The following LTK variants were observed in gnomAD, a reference collection of about 807,000 sequenced individuals.
LTK encodes leukocyte tyrosine kinase receptor.
In LTK, 117 loss-of-function variants were observed where a neutral mutation model predicts 101.5. That is an observed-to-expected ratio of 1.15 (90% confidence interval 0.99 to 1.34). LTK has a LOEUF of 1.34. Among genes scored for constraint, LTK ranks in the 40% most tolerant of loss-of-function variants. LTK has a pLI of 0.00. For missense variants in LTK, 1,252 were observed against 1,164.7 expected (o/e 1.07, Z -1.09); for synonymous variants, 563 against 494.2 (o/e 1.14, Z -1.85).
Position 41,507,289 on chromosome 15 carries a change from C to CA in LTK, c.1346dup (p.Lys450GlufsTer17), listed in dbSNP as rs755624682. ...GCAGGCCCTGCCACTTCTTCTGCTT[C>CA]ACTGGGGGTGGGAAGAATAACGGCA... On this transcript the variant is annotated frameshift_variant and splice_region_variant, in exon 11 of 20. Coordinates refer to ENST00000263800, the MANE Select transcript of LTK (RefSeq NM_002344.6). LOFTEE classifies it high-confidence loss of function. The CA allele has an allele frequency of 5.0e-6, 8 of 1,593,766 alleles. No individual in the cohort carries two copies. In the Admixed American group the frequency reaches 1.4e-4, roughly 29 times the overall value.
At chr15:41,508,911 A>G (rs1595464810) in intron 8 of LTK, 120 bp downstream of exon 8, 1 of 652,758 alleles carries the variant, frequency 1.5e-6, no homozygotes, top group East Asian at 2.8e-5. Context: ...GCTATGCAAG[A>G]ATCCTGTGCT....
chr15:41,508,473 CTTGAACCCGG>C (rs1195001895), intron 8 of LTK, among the ~76,000 whole-genome samples: 1 of 152,008 alleles, frequency 6.6e-6, no homozygotes, highest in Non-Finnish European at 1.5e-5. Context: ...TGCAGAATCA[CTTGAACCCGG>C]GAGGCGGAGG....
rs1320979291 is a variant in LTK, at chr15:41,512,811, T to C, written c.255A>G (p.Gln85=). 41 of 1,612,452 alleles carry C rather than the reference T, an allele frequency of 2.5e-5. No homozygotes were observed. The highest frequency in any genetic ancestry group is 3.2e-5 in the Non-Finnish European group (38 of 1,179,834). The change falls in exon 3 of 20, where the codon CAA becomes CAG. Residue 85 remains glutamine, a synonymous_variant. Coordinates refer to ENST00000263800, the MANE Select transcript of LTK (RefSeq NM_002344.6). ...ASGRHGPTQT[Q]CDGAYAGTSV... The stretch of plus-strand genomic sequence containing the variant: ...TGGTCCCCGCGTACGCCCCGTCACA[T>C]TGTGTCTGTGTGGGCCCATGCCGGC...
In LTK at chr15:41,504,531, G is replaced by T. The variant is rs1198826433; in HGVS notation, c.2230C>A (p.Pro744Thr). The stretch of plus-strand genomic sequence containing the variant: ...ACAGGCCCTGGGCAGCCCCTAGGAG[G>T]GTCCATCCGGCCTCCTCCAACGACG... Reference protein sequence around the residue: ...DFVVGGGRMDPPRGCPGPVYR... With the variant: ...DFVVGGGRMDTPRGCPGPVYR... Residue 744 changes from proline to threonine, a missense_variant, in exon 18 of 20, where the codon CCT becomes ACT. Physicochemically the swap from Pro to Thr is conservative, Grantham distance 38 (BLOSUM62 -1). Coordinates refer to ENST00000263800, the MANE Select transcript of LTK (RefSeq NM_002344.6). 6.2e-7 allele frequency: 1 copy of T among 1,613,704 alleles called. No homozygotes were observed. Among genetic ancestry groups the T allele is most frequent in the Non-Finnish European group, 8.5e-7 (1 of 1,179,916 alleles).
Position 41,511,277 on chromosome 15 carries a change from TCCG to T in LTK, c.881_883del (p.Ala294del). ...AGCCTCGGAGCAGCCCTGGCCGCCC[TCCG>T]CCCCCTCCTGCAGTGAGCGGCCGGC... On this transcript the variant is annotated inframe_deletion, in exon 7 of 20. Coordinates refer to ENST00000263800, the MANE Select transcript of LTK (RefSeq NM_002344.6). This position sits in a 1 kb window ranked among gnomAD's most constrained non-coding sequence, Gnocchi z 5.9. The T allele has an allele frequency of 7.1e-7, 1 of 1,417,010 alleles. No homozygotes were observed. The highest frequency in any genetic ancestry group is 9.2e-7 in the Non-Finnish European group (1 of 1,090,676). 87.8% of individuals were successfully genotyped at this position (1,417,010 alleles called of 1,614,324 possible).
chr15:41,504,317 A>ATGTT (rs1566861345), intron 19 of LTK, 25 bp downstream of exon 19: 2 of 1,613,610 alleles, frequency 1.2e-6, no homozygotes, highest in African/African-American at 1.3e-5. Flanking sequence ...CAAGACCAGG[A>ATGTT]TGTTAGATTA....
rs1042768688 is a variant in LTK, at chr15:41,513,143, G to A, written c.44-23C>T. 19 of 1,570,490 alleles carry A rather than the reference G, an allele frequency of 1.2e-5. 1 individual carries two copies. Among genetic ancestry groups the A allele is most frequent in the Middle Eastern group, 3.3e-4 (2 of 5,978 alleles). Reference sequence around the variant, plus strand: ...CGCCTGAAAGGTGTTGGGAGAAGGCGCAGGACGTTAAGGCGGGTGGAAATA... The same window carrying A: ...CGCCTGAAAGGTGTTGGGAGAAGGCACAGGACGTTAAGGCGGGTGGAAATA... On this transcript the variant is annotated intron_variant, in intron 1 of 19. Transcript: ENST00000263800.
intron 10 of LTK, 114 bp downstream of exon 10, chr15:41,507,448 G>C (rs548186466): frequency 3.9e-6 from 6 of 1,548,288 alleles, no homozygotes; most frequent in Middle Eastern, 1.7e-4. Flanking sequence ...AGTCTACCAC[G>C]GCTCTGCTGC....
chr15:41,507,963 A>G, intron 9 of LTK, 106 bp downstream of exon 9: 1 of 1,248,480 alleles, frequency 8.0e-7, no homozygotes, highest in Non-Finnish European at 1.1e-6. Flanking sequence ...CACCCACCAC[A>G]GGGCCTGGCA....
chr15:41,505,098 T>C (rs2278659), intron 15 of LTK, 34 bp from the exon 16 acceptor site: 167,040 of 1,589,708 alleles, frequency 0.11, 18,577 homozygotes, highest in East Asian at 0.6. Context: ...ACTGCCAGAA[T>C]CTAGAAGTTC....
In LTK at chr15:41,512,697, G is replaced by A. The variant is rs1216652476; in HGVS notation, c.359+10C>T. 4 of 1,559,450 alleles carry A rather than the reference G, an allele frequency of 2.6e-6. No homozygotes were observed. The highest frequency in any genetic ancestry group is 2.6e-6 in the Non-Finnish European group (3 of 1,155,934). On this transcript the variant is annotated intron_variant, in intron 3 of 19. Coordinates refer to ENST00000263800, the MANE Select transcript of LTK (RefSeq NM_002344.6). ...GGTCACTGTCCACCCTACCTCCGCC[G>A]TGCACTTACAGATACTGGCCAGGGC... is the stretch of plus-strand genomic sequence containing the variant.
In LTK at chr15:41,512,280, C is replaced by A. The variant is rs1478549309; in HGVS notation, c.360-15G>T. 2.5e-6 allele frequency: 4 copies of A among 1,606,546 alleles called. No individual in the cohort carries two copies. The Admixed American group carries it at 5.0e-5, about 20-fold the overall frequency. On this transcript the variant is annotated splice_polypyrimidine_tract_variant and intron_variant, in intron 3 of 19. Transcript: ENST00000263800. ...AGGCTGAGATCCTGCGGGGAACGGACGGTGAGTCCCCGGCCTTCGGTGCTC... is the reference window on the plus strand; with the variant it reads ...AGGCTGAGATCCTGCGGGGAACGGAAGGTGAGTCCCCGGCCTTCGGTGCTC...
chr15:41,509,521 G>C (rs2051387984), intron 7 of LTK, among the ~76,000 whole-genome samples: 1 of 152,138 alleles, frequency 6.6e-6, no homozygotes, highest in Non-Finnish European at 1.5e-5. Context: ...GTTAGAGAAG[G>C]GCTGAGAATT....
At position 41,513,158 on chromosome 15, in the gene LTK, G is replaced by A. The variant is rs778061860; in HGVS notation, c.44-38C>T. On this transcript the variant is annotated intron_variant, in intron 1 of 19. Coordinates refer to ENST00000263800, the MANE Select transcript of LTK (RefSeq NM_002344.6). Reference sequence around the variant, plus strand: ...GGGAGAAGGCGCAGGACGTTAAGGCGGGTGGAAATAGGATATGAAAGAAAG... The same window carrying A: ...GGGAGAAGGCGCAGGACGTTAAGGCAGGTGGAAATAGGATATGAAAGAAAG... 1.0e-5 allele frequency: 16 copies of A among 1,544,264 alleles called. No homozygotes were observed. In the African/African-American group the frequency reaches 1.5e-4, roughly 15 times the overall value.
Position 41,511,640 on chromosome 15 carries a change from G to A in LTK, c.658-62C>T, listed in dbSNP as rs571902159. On this transcript the variant is annotated intron_variant, in intron 5 of 19. Transcript: ENST00000263800. The surrounding 1 kb of genome is among the most constrained non-coding windows in gnomAD (Gnocchi z 5.9). ...CAGCTGTCCAGGGGCACTGCCACTG[G>A]GAGAGGGCTCCCGCCCAGGGGGCCT... The A allele has an allele frequency of 6.8e-5, 95 of 1,406,496 alleles. No individual in the cohort carries two copies. In the South Asian group the frequency reaches 1.4e-3, roughly 21 times the overall value. The allele number at this position is 1,406,496 out of a possible 1,614,324, so 87.1% of individuals were successfully genotyped here.
At position 41,505,607 on chromosome 15, in the gene LTK, G is replaced by C. The variant is rs141469600; in HGVS notation, c.1698-77C>G. The C allele has an allele frequency of 1.9e-6, 3 of 1,605,798 alleles. No homozygotes were observed. In the South Asian group the frequency reaches 3.3e-5, roughly 18 times the overall value. On this transcript the variant is annotated intron_variant, in intron 13 of 19. Coordinates refer to ENST00000263800, the MANE Select transcript of LTK (RefSeq NM_002344.6). ...GTTTTAGGCTCCACAAAGCTGGAGA[G>C]GCCCTCTGTGTCCCCTGACTTGCTA...
chr15:41,508,517 A>G (rs931790982), intron 8 of LTK, among the ~76,000 whole-genome samples: 6 of 151,998 alleles, frequency 3.9e-5, no homozygotes, highest in Non-Finnish European at 8.8e-5. Flanking sequence ...AGATCGCACC[A>G]CTGCACTCCA....
chr15:41,504,532 G>A lies in LTK; in HGVS notation c.2229C>T (p.Asp743=), dbSNP rs778469011. 6.2e-7 allele frequency: 1 copy of A among 1,613,736 alleles called. No individual in the cohort carries two copies. The highest frequency in any genetic ancestry group is 8.5e-7 in the Non-Finnish European group (1 of 1,179,922). ...CAGGCCCTGGGCAGCCCCTAGGAGG[G>A]TCCATCCGGCCTCCTCCAACGACGA... The part of the protein sequence containing the change: ...LDFVVGGGRM[D]PPRGCPGPVY... The change falls in exon 18 of 20, where the codon GAC becomes GAT. Residue 743 remains aspartate (D), a synonymous_variant. Transcript: ENST00000263800.
chr15:41,507,001 T>G (rs1271165859), intron 11 of LTK, 94 bp downstream of exon 11: 7 of 1,318,844 alleles, frequency 5.3e-6, no homozygotes, highest in Non-Finnish European at 7.4e-6. Flanking sequence ...GTGGGCCAGA[T>G]TTTTTCTGGG....
Sources: gnomAD v4.1 joint callset for allele counts (sites outside exome capture counted in the v4.1 genomes callset) on GRCh38, gnomAD v4.1.1 for gene constraint, Gnocchi (gnomAD v3.1) non-coding constraint, MANE v1.5 for transcripts, NCBI Gene and HGNC (gene_info 2026-07-23, HGNC 2026-07-21) for gene names.